The following FRAS1 variants were observed in gnomAD, a reference collection of about 807,000 sequenced individuals.
The protein encoded by FRAS1 is extracellular matrix organizing protein FRAS1.
A neutral mutation model predicts 435.2 loss-of-function variants in FRAS1; 290 were observed. That is an observed-to-expected ratio of 0.67 (90% CI 0.61 to 0.73). FRAS1 has a LOEUF of 0.73. FRAS1 is among the 30% of genes least tolerant of loss of function. The pLI, the probability that FRAS1 is intolerant of heterozygous loss-of-function variation, is 0.00. For synonymous variants in FRAS1, 1,800 were observed against 1,851.0 expected (o/e 0.97, Z 0.71); for missense variants, 4,860 against 5,001.5 (o/e 0.97, Z 0.85).
intron 54 of FRAS1, among the ~76,000 whole-genome samples, chr4:78,476,840 G>T (rs1420957072): frequency 1.3e-5 from 2 of 152,044 alleles, no homozygotes; most frequent in African/African-American, 4.8e-5. Flanking sequence ...GCAGATTTGT[G>T]TGTCCCCAGA....
chr4:78,317,499 G>A lies in FRAS1; in HGVS notation c.1951G>A (p.Val651Ile). Residue 651 changes from valine to isoleucine, a missense_variant, in exon 17 of 74, where the codon GTC becomes ATC. Transcript: ENST00000512123. ...AGAGGGTTTCTACTCTGACCATGGAGTCTGCAAAGGTATCGTTGGTGTCAC... is the reference window on the plus strand; with the variant it reads ...AGAGGGTTTCTACTCTGACCATGGAATCTGCAAAGGTATCGTTGGTGTCAC... Reference protein sequence around the residue: ...CGEGFYSDHGVCKACHSSCLA... With the variant: ...CGEGFYSDHGICKACHSSCLA... 6.2e-7 allele frequency: 1 copy of A among 1,612,294 alleles called. No individual in the cohort carries two copies. Among genetic ancestry groups the A allele is most frequent in the Non-Finnish European group, 8.5e-7 (1 of 1,179,312 alleles).
At chr4:78,527,892 G>A (rs1433916221) in intron 70 of FRAS1, among the ~76,000 whole-genome samples, 1 of 152,106 alleles carries the variant, frequency 6.6e-6, no homozygotes, top group African/African-American at 2.4e-5. Context: ...GGGATAGAGG[G>A]AAAGCTTGCA....
intron 2 of FRAS1, among the ~76,000 whole-genome samples, chr4:78,221,590 A>G (rs1312714532): frequency 6.6e-6 from 1 of 152,190 alleles, no homozygotes; most frequent in African/African-American, 2.4e-5. Context: ...ATTTTCTACA[A>G]ATATACATGG....
chr4:78,453,738 G>A (rs558049769), intron 47 of FRAS1, among the ~76,000 whole-genome samples: 23 of 100,808 alleles, frequency 2.3e-4, no homozygotes, highest in African/African-American at 7.1e-4. Flanking sequence ...ATTTGAGGCC[G>A]CAGTGATCTG....
intron 19 of FRAS1, among the ~76,000 whole-genome samples, chr4:78,335,129 C>A (rs923922187): frequency 2.0e-5 from 3 of 152,110 alleles, no homozygotes; most frequent in Non-Finnish European, 4.4e-5. Flanking sequence ...CGATCTTTTA[C>A]TTTCTCCCTC....
At chr4:78,372,994 A>C in intron 24 of FRAS1, 136 bp downstream of exon 24, 1 of 972,104 alleles carries the variant, frequency 1.0e-6, no homozygotes, top group Non-Finnish European at 1.5e-6. Context: ...CCTAAGAGCT[A>C]TCTTTGTTAT....
Position 78,387,548 on chromosome 4 carries a change from C to T in FRAS1, c.3822C>T (p.Thr1274=), listed in dbSNP as rs369095876. 4 of 1,613,682 alleles carry T rather than the reference C, an allele frequency of 2.5e-6. No homozygotes were observed. Among genetic ancestry groups the T allele is most frequent in the South Asian group, 2.2e-5 (2 of 91,060 alleles). Residue 1274 remains threonine (T), a synonymous_variant, in exon 29 of 74, where the codon ACC becomes ACT. Coordinates refer to ENST00000512123, the MANE Select transcript of FRAS1 (RefSeq NM_025074.7). ...QLLQTLQSPA[T]PIYQFQLDEL... ...TTCAGACACTTCAGTCCCCGGCAAC[C>T]CCTATCTATCAATTCCAGCTGGATG...
At chr4:78,087,731 C>T (rs1255308693) in intron 2 of FRAS1, among the ~76,000 whole-genome samples, 1 of 152,080 alleles carries the variant, frequency 6.6e-6, no homozygotes, top group African/African-American at 2.4e-5. Context: ...GCGCGAAGGA[C>T]CTCTTCAAGG....
intron 47 of FRAS1, among the ~76,000 whole-genome samples, chr4:78,453,315 A>G (rs141911226): frequency 2.0e-5 from 3 of 152,288 alleles, no homozygotes; most frequent in Non-Finnish European, 2.9e-5. Context: ...AGGTAGTGGG[A>G]TTTCACCTAG....
chr4:78,504,668 T>C (rs1014844341), intron 61 of FRAS1, among the ~76,000 whole-genome samples: 1 of 152,336 alleles, frequency 6.6e-6, no homozygotes, highest in East Asian at 1.9e-4. Context: ...GGGTCTTGAC[T>C]CTTTATCCAA....
At chr4:78,110,278 A>C (rs1489638912) in intron 2 of FRAS1, among the ~76,000 whole-genome samples, 1 of 112,482 alleles carries the variant, frequency 8.9e-6, no homozygotes, top group Non-Finnish European at 1.8e-5. Context: ...ACCAAAAAAG[A>C]GCCCGCATCG....
chr4:78,483,799 A>ATATATATATATATATATGTATATATATAT (rs1560753038), intron 58 of FRAS1, among the ~76,000 whole-genome samples: 1 of 67,464 alleles, frequency 1.5e-5, no homozygotes, highest in African/African-American at 4.1e-5. Flanking sequence ...TATATATATA[A>ATATATATATATATATATGTATATATATAT]AATTATGTAT....
intron 2 of FRAS1, among the ~76,000 whole-genome samples, chr4:78,152,927 G>A (rs1320277886): frequency 6.6e-6 from 1 of 152,102 alleles, no homozygotes; most frequent in African/African-American, 2.4e-5. Flanking sequence ...GTCCTACTCA[G>A]TTTACTGCCT....
intron 70 of FRAS1, among the ~76,000 whole-genome samples, chr4:78,531,762 T>G (rs1163258142): frequency 6.6e-6 from 1 of 152,202 alleles, no homozygotes; most frequent in East Asian, 1.9e-4. Context: ...TATCTGTGCA[T>G]GTACCCCATA....
At chr4:78,509,029 G>C (rs950380804) in intron 63 of FRAS1, 23 bp downstream of exon 63, 3 of 1,612,806 alleles carry the variant, frequency 1.9e-6, no homozygotes, top group Non-Finnish European at 2.5e-6. Context: ...GTCTGGGCCT[G>C]GTTCTCCCTC....
rs532342406 is a variant in FRAS1, at chr4:78,521,400, T to C, written c.10541-123T>C. 2.1e-4 allele frequency: 130 copies of C among 630,044 alleles called. No individual in the cohort carries two copies. In the African/African-American group the frequency reaches 2.3e-3, roughly 11 times the overall value. The allele number at this position is 630,044 out of a possible 1,614,324, so 39.0% of individuals were successfully genotyped here. ...TGTTTCTATAGACATATAAATGTTA[T>C]CTTGTTACATTCAAATAAATGTGCA... On this transcript the variant is annotated intron_variant, in intron 67 of 73. Coordinates refer to ENST00000512123, the MANE Select transcript of FRAS1 (RefSeq NM_025074.7).
Position 78,317,467 on chromosome 4 carries a change from G to A in FRAS1, c.1919G>A (p.Arg640His), listed in dbSNP as rs373092006. ...CTGCGTCAAGGCCACTGTCTGCCCC[G>A]CTGTGGAGAGGGTTTCTACTCTGAC... Reference protein sequence around the residue: ...KALRQGHCLPRCGEGFYSDHG... With the variant: ...KALRQGHCLPHCGEGFYSDHG... The change falls in exon 17 of 74, where the codon CGC (arginine) becomes CAC (histidine). Residue 640 changes from arginine (R) to histidine (H), a missense_variant. Coordinates refer to ENST00000512123, the MANE Select transcript of FRAS1 (RefSeq NM_025074.7). 4.6e-5 allele frequency: 74 copies of A among 1,613,760 alleles called. No individual in the cohort carries two copies. In the Middle Eastern group the frequency reaches 8.3e-4, roughly 18 times the overall value.
At chr4:78,399,241 T>C (rs1732790255) in intron 29 of FRAS1, among the ~76,000 whole-genome samples, 1 of 152,174 alleles carries the variant, frequency 6.6e-6, no homozygotes, top group Admixed American at 6.5e-5. Context: ...GTATATATGA[T>C]GACAGTAGCC....
chr4:78,303,297 C>T (rs1728519232), intron 14 of FRAS1, among the ~76,000 whole-genome samples: 1 of 152,096 alleles, frequency 6.6e-6, no homozygotes, highest in Admixed American at 6.6e-5. Flanking sequence ...AGTGTGATGC[C>T]TCCAGCTTTG....
Sources: gnomAD v4.1 joint callset for allele counts (sites outside exome capture counted in the v4.1 genomes callset) on GRCh38, gnomAD v4.1.1 for gene constraint, MANE v1.5 for transcripts, NCBI Gene and HGNC (gene_info 2026-07-23, HGNC 2026-07-21) for gene names.